Variants in CASC3 observed in about 807,000 individuals in gnomAD.
CASC3 encodes the protein CASC3 exon junction complex subunit.
Under a neutral mutation model 80.5 loss-of-function variants are expected in CASC3, and 30 were observed. The observed-to-expected ratio is 0.37, with a 90% CI of 0.28 to 0.51. The LOEUF is 0.51. CASC3 is among the 20% of genes least tolerant of loss of function. The probability of loss-of-function intolerance (pLI) is 0.94; values close to 1 mark genes in which losing one functional copy is unlikely to be tolerated. For synonymous variants in CASC3, 312 were observed against 333.6 expected, an observed-to-expected ratio of 0.94 and a Z score of 0.70; for missense variants, 824 against 922.2, an observed-to-expected ratio of 0.89 and a Z score of 1.38.
intron 3 of CASC3, among the ~76,000 whole-genome samples, chr17:40,146,986 A>G (rs1598421286): frequency 6.6e-6 from 1 of 152,238 alleles, no homozygotes; most frequent in East Asian, 1.9e-4. Flanking sequence ...TGTAGTCACT[A>G]GAGAATGGAA....
intron 3 of CASC3, among the ~76,000 whole-genome samples, chr17:40,143,154 A>G (rs1240945736): frequency 6.6e-6 from 1 of 151,946 alleles, no homozygotes; most frequent in Non-Finnish European, 1.5e-5. Context: ...ATTAGAATGA[A>G]TAAGATCTAA....
intron 3 of CASC3, among the ~76,000 whole-genome samples, chr17:40,143,718 T>A (rs1160070060): frequency 6.6e-6 from 1 of 151,780 alleles, no homozygotes; most frequent in Non-Finnish European, 1.5e-5. Flanking sequence ...TAGTCCCAGC[T>A]ACTCAGGAGG....
rs1989359570 is a variant in CASC3 at position 40,163,477 on chromosome 17, G to A, written c.786-4G>A. ...TAACAGTTTCTTCATTCCATTTTTT[G>A]TAGATATGGGAGTCCTCCACAAAGA... On this transcript the variant is annotated splice_polypyrimidine_tract_variant and splice_region_variant and intron_variant, in intron 6 of 13. Transcript: ENST00000264645. The A allele has an allele frequency of 6.3e-7, 1 of 1,593,172 alleles. No individual in the cohort carries two copies. The highest frequency in any genetic ancestry group is 1.4e-5 in the African/African-American group (1 of 73,556).
rs750877718 is a variant in CASC3, at chr17:40,140,764, T to G, written c.216T>G (p.Ala72=). ...TGGAGAGCGGGGGCGCCAAGAGTGC[T>G]GAGGAGTCGGAGTGTGTGAGTGCGC... ...RRVESGGAKS[A]EESECESEDG... The change falls in exon 1 of 14, where the codon GCT becomes GCG. Residue 72 remains alanine (A), a synonymous_variant. Coordinates refer to ENST00000264645, the MANE Select transcript of CASC3 (RefSeq NM_007359.5). 228 of 1,315,312 alleles carry G rather than the reference T, an allele frequency of 1.7e-4. No individual in the cohort carries two copies. Among genetic ancestry groups the G allele is most frequent in the Non-Finnish European group, 2.1e-4 (214 of 1,022,554 alleles). The allele number at this position is 1,315,312 out of a possible 1,614,324, so 81.5% of individuals were successfully genotyped here.
At position 40,171,242 on chromosome 17, in the gene CASC3, A is replaced by T; in HGVS notation, c.*837A>T. The T allele has an allele frequency of 1.0e-6, 1 of 985,908 alleles. No individual in the cohort carries two copies. Among genetic ancestry groups the T allele is most frequent in the Non-Finnish European group, 1.2e-6 (1 of 829,958 alleles). The allele number at this position is 985,908 out of a possible 1,614,324, so 61.1% of individuals were successfully genotyped here. Reference sequence around the variant, plus strand: ...GGCCAATACCCTACTGTGGGGAGAGATGGCACACCAGATGCTTTTGTGAGA... The same window carrying T: ...GGCCAATACCCTACTGTGGGGAGAGTTGGCACACCAGATGCTTTTGTGAGA... On this transcript the variant is annotated 3_prime_UTR_variant, in exon 14 of 14. Coordinates refer to ENST00000264645, the MANE Select transcript of CASC3 (RefSeq NM_007359.5).
In CASC3 at chr17:40,168,197, A is replaced by AT. The variant is rs1164260464; in HGVS notation, c.1751-5dup. On this transcript the variant is annotated splice_polypyrimidine_tract_variant and splice_region_variant and intron_variant, in intron 10 of 13. Coordinates refer to ENST00000264645, the MANE Select transcript of CASC3 (RefSeq NM_007359.5). ...ATTTTTCAGTTTTTTTCTTCTCCTT[A>AT]TCCAGGTTTACATCCCCACCAGACA... 2.5e-6 allele frequency: 4 copies of AT among 1,612,834 alleles called. No individual in the cohort carries two copies. The highest frequency in any genetic ancestry group is 1.3e-5 in the African/African-American group (1 of 74,842).
chr17:40,151,525 C>T (rs2145161387), intron 3 of CASC3, among the ~76,000 whole-genome samples: 1 of 151,682 alleles, frequency 6.6e-6, no homozygotes, highest in Middle Eastern at 3.4e-3. Context: ...AAGACCTTAT[C>T]TCTATAAAAA....
At chr17:40,164,750 CTTTTTT>C (rs1022035416) in intron 7 of CASC3, among the ~76,000 whole-genome samples, 2 of 74,454 alleles carry the variant, frequency 2.7e-5, no homozygotes, top group East Asian at 7.9e-4. Flanking sequence ...CGTGCCTGGC[CTTTTTT>C]TTTTTTTTTT....
intron 1 of CASC3, 25 bp downstream of exon 1, chr17:40,140,804 G>A: frequency 7.2e-7 from 1 of 1,397,744 alleles, no homozygotes; most frequent in Non-Finnish European, 9.4e-7. Context: ...GCGGGGCGGG[G>A]TGGGGACCGG....
At position 40,161,878 on chromosome 17, in the gene CASC3, T is replaced by C. The variant is rs1989309958; in HGVS notation, c.423T>C (p.Thr141=). The C allele has an allele frequency of 3.7e-6, 6 of 1,614,138 alleles. No individual in the cohort carries two copies. In the East Asian group the frequency reaches 1.1e-4, roughly 30 times the overall value. Residue 141 remains threonine (T), a synonymous_variant, in exon 4 of 14, where the codon ACT becomes ACC. Coordinates refer to ENST00000264645, the MANE Select transcript of CASC3 (RefSeq NM_007359.5). ...KGEEKPDTKS[T]VTGERQSGDG... ...AAGAAAAGCCTGACACCAAAAGCAC[T>C]GTGACTGGAGAGAGGCAAAGTGGGG...
In CASC3 at chr17:40,167,941, C is replaced by T. The variant is rs147048896; in HGVS notation, c.1743C>T (p.Pro581=). The change falls in exon 10 of 14, where the codon CCC becomes CCT. Residue 581 remains proline (P), a synonymous_variant. Coordinates refer to ENST00000264645, the MANE Select transcript of CASC3 (RefSeq NM_007359.5). ...TTGTGCAGCCAGGAATGAACCTTCC[C>T]CACCCAGGTAAGCTTTGTGTCTCTG... The part of the protein sequence containing the change: ...GMLVQPGMNL[P]HPGLHPHQTP... The T allele has an allele frequency of 3.1e-6, 5 of 1,613,954 alleles. No individual in the cohort carries two copies. The highest frequency in any genetic ancestry group is 4.2e-6 in the Non-Finnish European group (5 of 1,179,894).
At chr17:40,161,083 G>T (rs1307990068) in intron 3 of CASC3, among the ~76,000 whole-genome samples, 4 of 151,892 alleles carry the variant, frequency 2.6e-5, no homozygotes, top group Non-Finnish European at 4.4e-5. Flanking sequence ...TGGTTCAAAC[G>T]ATTTTCCTGC....
Position 40,170,836 on chromosome 17 carries a change from A to T in CASC3, c.*431A>T, listed in dbSNP as rs1989575203. 1 of 984,148 alleles carries T rather than the reference A, an allele frequency of 1.0e-6. No individual in the cohort carries two copies. The allele number at this position is 984,148 out of a possible 1,614,324, so 61.0% of individuals were successfully genotyped here. A position where few individuals can be genotyped will look rare whatever the true frequency, so the allele number is the denominator to read the frequency against. On this transcript the variant is annotated 3_prime_UTR_variant, in exon 14 of 14. Transcript: ENST00000264645. The stretch of plus-strand genomic sequence containing the variant: ...GCTTCTTATCCTTAATATTATTTTA[A>T]TTTTTTCTCTTTGTTTCTGTTTCTT...
At chr17:40,167,153 G>T in intron 8 of CASC3, 1 of 488,930 alleles carries the variant, frequency 2.0e-6, no homozygotes, top group Non-Finnish European at 3.6e-6. Flanking sequence ...GTAAAGACAG[G>T]GTTTCACCAT....
chr17:40,148,650 G>A (rs148273373), intron 3 of CASC3, among the ~76,000 whole-genome samples: 120 of 152,168 alleles, frequency 7.9e-4, no homozygotes, highest in Non-Finnish European at 1.3e-3. Context: ...ATGAGCCACC[G>A]TGTGTGGCCC....
intron 13 of CASC3, 99 bp from the exon 14 acceptor site, chr17:40,170,348 C>A: frequency 1.2e-6 from 1 of 805,410 alleles, no homozygotes; most frequent in Non-Finnish European, 1.5e-6. Flanking sequence ...TTACTTAAAA[C>A]ACATTATTTA....
intron 10 of CASC3, 26 bp downstream of exon 10, chr17:40,167,974 G>T (rs756118803): frequency 6.3e-7 from 1 of 1,588,506 alleles, no homozygotes; most frequent in Admixed American, 1.7e-5. Context: ...CTGCTTATAT[G>T]CTTCCAGTAC....
chr17:40,141,995 G>A (rs931032703), intron 3 of CASC3, among the ~76,000 whole-genome samples: 3 of 152,130 alleles, frequency 2.0e-5, no homozygotes, highest in Admixed American at 1.3e-4. Context: ...GGTAGGATTC[G>A]GAATGTTTTG....
intron 7 of CASC3, 140 bp from the exon 8 acceptor site, chr17:40,166,657 G>A (rs1989456014): frequency 3.7e-6 from 2 of 539,404 alleles, no homozygotes; most frequent in East Asian, 3.5e-5. Context: ...AGAAAGCAGA[G>A]ATAGTTTATA....
Sources: gnomAD v4.1 joint callset for allele counts (sites outside exome capture counted in the v4.1 genomes callset) on GRCh38, gnomAD v4.1.1 for gene constraint, MANE v1.5 for transcripts, NCBI Gene and HGNC (gene_info 2026-07-23, HGNC 2026-07-21) for gene names.